Variants in WLS observed in about 807,000 individuals in gnomAD.
WLS encodes protein wntless homolog.
In WLS, 23 loss-of-function variants were observed where a neutral mutation model predicts 62.8. The observed-to-expected ratio is 0.37, with a 90% CI of 0.26 to 0.52. WLS has a LOEUF of 0.52. Ranked by LOEUF, WLS falls within the 20% of genes least tolerant of loss-of-function variation. WLS has a pLI of 0.92. For synonymous variants in WLS, 246 were observed against 244.1 expected (o/e 1.01, Z -0.07); for missense variants, 615 against 697.3 (o/e 0.88, Z 1.33).
At chr1:68,129,401 A>T (rs550167909) in intron 11 of WLS, among the ~76,000 whole-genome samples, 93 of 152,374 alleles carry the variant, frequency 6.1e-4, no homozygotes, top group South Asian at 3.3e-3. Flanking sequence ...TATCTGATAA[A>T]TTTATAGCAT....
chr1:68,153,411 C>G, intron 5 of WLS, 106 bp downstream of exon 5: 1 of 1,491,514 alleles, frequency 6.7e-7, no homozygotes, highest in East Asian at 2.3e-5. Flanking sequence ...AAATCACTGG[C>G]CTAAGTCACA....
intron 11 of WLS, among the ~76,000 whole-genome samples, chr1:68,126,913 A>G (rs921676597): frequency 6.6e-6 from 1 of 152,178 alleles, no homozygotes; most frequent in Admixed American, 6.5e-5. Context: ...AATAGGAGCC[A>G]GGTGCAGTGG....
At chr1:68,148,726 G>C (rs1281056112) in intron 6 of WLS, 66 bp from the exon 7 acceptor site, 1 of 1,474,842 alleles carries the variant, frequency 6.8e-7, no homozygotes, top group Non-Finnish European at 9.4e-7. Context: ...CTATGGGGGA[G>C]TCAGCATTCG....
At chr1:68,223,484 A>G (rs1211221544) in intron 1 of WLS, among the ~76,000 whole-genome samples, 1 of 152,202 alleles carries the variant, frequency 6.6e-6, no homozygotes, top group Non-Finnish European at 1.5e-5. Context: ...AAGGAAAAGA[A>G]TGGATAATAA....
chr1:68,146,803 AC>A (rs1646758152), intron 8 of WLS, among the ~76,000 whole-genome samples: 1 of 152,154 alleles, frequency 6.6e-6, no homozygotes, highest in African/African-American at 2.4e-5. Flanking sequence ...CAGTCTGAGA[AC>A]CACCAAGTCT....
intron 2 of WLS, among the ~76,000 whole-genome samples, chr1:68,165,154 G>C (rs183105291): frequency 6.6e-6 from 1 of 152,092 alleles, no homozygotes; most frequent in East Asian, 1.9e-4. Context: ...AATATGAAAA[G>C]CTGTAAAAAA....
At chr1:68,106,881 T>A (rs1318371024) in intron 11 of WLS, among the ~76,000 whole-genome samples, 37 of 152,152 alleles carry the variant, frequency 2.4e-4, no homozygotes, top group Non-Finnish European at 1.5e-5. Flanking sequence ...TAAAACAATG[T>A]GCTTTGGACA....
At chr1:68,106,463 C>T (rs993623798) in intron 11 of WLS, among the ~76,000 whole-genome samples, 1 of 152,168 alleles carries the variant, frequency 6.6e-6, no homozygotes, top group Non-Finnish European at 1.5e-5. Flanking sequence ...ATCTCTGGGA[C>T]ACCAGACCAG....
At chr1:68,221,634 G>T (rs1649945412) in intron 1 of WLS, among the ~76,000 whole-genome samples, 1 of 152,174 alleles carries the variant, frequency 6.6e-6, no homozygotes, top group East Asian at 1.9e-4. Context: ...CTCAAAAAGG[G>T]CTGCTCTGCC....
chr1:68,125,257 C>A, downstream of WLS: 1 of 924,306 alleles, frequency 1.1e-6, no homozygotes, highest in Non-Finnish European at 1.3e-6. Context: ...TCCCCAAACA[C>A]TTTGATTTGA....
At chr1:68,108,375 GAAT>G (rs1160874909) in intron 11 of WLS, among the ~76,000 whole-genome samples, 1 of 152,148 alleles carries the variant, frequency 6.6e-6, no homozygotes, top group African/African-American at 2.4e-5. Context: ...CCAAAAGCAG[GAAT>G]AATGTTTATG....
chr1:68,228,189 G>T (rs984512082), intron 1 of WLS: 8 of 416,952 alleles, frequency 1.9e-5, no homozygotes, highest in African/African-American at 1.7e-4. Flanking sequence ...CTTTTCTAAA[G>T]AAATAATAAT....
chr1:68,127,628 A>G (rs1339277036), intron 11 of WLS, among the ~76,000 whole-genome samples: 2 of 152,234 alleles, frequency 1.3e-5, no homozygotes, highest in African/African-American at 4.8e-5. Context: ...GCTGGGGAAT[A>G]GAAAGTTAAA....
chr1:68,117,982 AC>A (rs897413624), intron 11 of WLS, among the ~76,000 whole-genome samples: 56 of 151,748 alleles, frequency 3.7e-4, no homozygotes, highest in African/African-American at 1.3e-3. Flanking sequence ...GAAAAAAAAA[AC>A]AGAATTTTTA....
intron 2 of WLS, among the ~76,000 whole-genome samples, chr1:68,170,311 A>G (rs944329326): frequency 2.0e-5 from 3 of 151,728 alleles, no homozygotes; most frequent in African/African-American, 7.3e-5. Flanking sequence ...GATTACATGC[A>G]TGGGCCACCA....
At chr1:68,151,100 C>T (rs1281650247) in intron 5 of WLS, among the ~76,000 whole-genome samples, 1 of 152,156 alleles carries the variant, frequency 6.6e-6, no homozygotes, top group Non-Finnish European at 1.5e-5. Flanking sequence ...TCAGGAACAT[C>T]ATAGAGTTTT....
At chr1:68,166,840 T>G (rs548593191) in intron 2 of WLS, among the ~76,000 whole-genome samples, 1 of 152,284 alleles carries the variant, frequency 6.6e-6, no homozygotes, top group Non-Finnish European at 1.5e-5. Flanking sequence ...GTTTATGAGG[T>G]GAAGACGCCA....
Position 68,183,997 on chromosome 1 carries a change from T to A in WLS, c.379+9958A>T, listed in dbSNP as rs141658990. On this transcript the variant is annotated intron_variant, in intron 2 of 11. Coordinates refer to ENST00000262348, the MANE Select transcript of WLS (RefSeq NM_024911.7). Reference sequence around the variant, plus strand: ...ACAGCACAAGGATCAAGGCGAAACATAATGCTTTCATTACGTAAGAATAGG... The same window carrying A: ...ACAGCACAAGGATCAAGGCGAAACAAAATGCTTTCATTACGTAAGAATAGG... 5.8e-3 allele frequency among the ~76,000 whole-genome samples: 877 copies of A among 152,262 alleles called. 6 individuals carry two copies. Among genetic ancestry groups the A allele is most frequent in the African/African-American group, 0.02 (822 of 41,552 alleles).
chr1:68,157,714 T>C (rs1418344034), intron 3 of WLS, among the ~76,000 whole-genome samples: 1 of 152,164 alleles, frequency 6.6e-6, no homozygotes, highest in Non-Finnish European at 1.5e-5. Context: ...TCCTTCGCAC[T>C]TTTCAAGATT....
Sources: gnomAD v4.1 joint callset for allele counts (sites outside exome capture counted in the v4.1 genomes callset) on GRCh38, gnomAD v4.1.1 for gene constraint, MANE v1.5 for transcripts, NCBI Gene and HGNC (gene_info 2026-07-23, HGNC 2026-07-21) for gene names.